The following PEAK1 variants were observed in gnomAD, a reference collection of about 807,000 sequenced individuals.
The protein encoded by PEAK1 is inactive tyrosine-protein kinase PEAK1.
In PEAK1, 54 loss-of-function variants were observed where a neutral mutation model predicts 124.7. That is an observed-to-expected ratio of 0.43 (90% CI 0.35 to 0.54). The LOEUF is 0.54. PEAK1 is among the 20% of genes least tolerant of loss of function. PEAK1 has a pLI of 0.01. For missense variants in PEAK1, 2,046 were observed against 2,134.5 expected (o/e 0.96, Z 0.82); for synonymous variants, 719 against 760.0 (o/e 0.95, Z 0.89).
At chr15:77,367,963 T>C (rs758555423) in intron 1 of PEAK1, among the ~76,000 whole-genome samples, 9 of 152,202 alleles carry the variant, frequency 5.9e-5, no homozygotes, top group Non-Finnish European at 1.2e-4. Context: ...TCAACTATCA[T>C]CTGTAAACCA....
At chr15:77,143,951 TG>T (rs2053986579) in intron 8 of PEAK1, among the ~76,000 whole-genome samples, 1 of 152,222 alleles carries the variant, frequency 6.6e-6, no homozygotes, top group Admixed American at 6.5e-5. Flanking sequence ...GTGTGGGCCC[TG>T]TAAGAAGCTT....
chr15:77,355,582 GAA>G (rs995197716), intron 2 of PEAK1, among the ~76,000 whole-genome samples: 1 of 152,136 alleles, frequency 6.6e-6, no homozygotes, highest in African/African-American at 2.4e-5. Context: ...AAGCAATACT[GAA>G]AAATCAACAA....
chr15:77,359,682 T>A (rs1180504924), intron 2 of PEAK1, among the ~76,000 whole-genome samples: 1 of 152,080 alleles, frequency 6.6e-6, no homozygotes, highest in African/African-American at 2.4e-5. Context: ...GAAAAAAAAT[T>A]TCACTTAGAA....
chr15:77,255,347 T>C, intron 5 of PEAK1: 24 of 976,992 alleles, frequency 2.5e-5, no homozygotes, highest in Non-Finnish European at 2.9e-5. Flanking sequence ...GGGTTCTGAC[T>C]CTCCATTTAT....
intron 1 of PEAK1, chr15:77,404,291 T>C (rs2071619615): frequency 1.0e-6 from 1 of 985,326 alleles, no homozygotes; most frequent in Non-Finnish European, 1.2e-6. Context: ...CAAAGTGATA[T>C]TTTATTGCAT....
chr15:77,137,248 C>G (rs1341718655), intron 8 of PEAK1, among the ~76,000 whole-genome samples: 4 of 152,162 alleles, frequency 2.6e-5, no homozygotes, highest in Non-Finnish European at 1.5e-5. Context: ...AATGTGGGGT[C>G]GGAGCCCCCA....
At chr15:77,418,298 G>C in intron 1 of PEAK1, 2 of 985,278 alleles carry the variant, frequency 2.0e-6, no homozygotes, top group Non-Finnish European at 2.4e-6. Flanking sequence ...GGTAGTGAGG[G>C]AAAAGAAGGA....
At chr15:77,334,253 A>G in intron 2 of PEAK1, 1 of 984,796 alleles carries the variant, frequency 1.0e-6, no homozygotes, top group African/African-American at 1.7e-5. Context: ...GCTTTCAGGT[A>G]ATTTTCCTAG....
At chr15:77,402,158 C>A (rs1222272294) in intron 1 of PEAK1, 2 of 798,022 alleles carry the variant, frequency 2.5e-6, no homozygotes, top group Non-Finnish European at 2.9e-6. Flanking sequence ...AAGAGGGACA[C>A]TCCACCTCGG....
chr15:77,316,268 T>G (rs544891488), intron 2 of PEAK1, among the ~76,000 whole-genome samples: 1 of 152,318 alleles, frequency 6.6e-6, no homozygotes, highest in South Asian at 2.1e-4. Context: ...ATAGAAAAAT[T>G]AGAAAATAGA....
chr15:77,263,347 T>C (rs1299162895), intron 5 of PEAK1, among the ~76,000 whole-genome samples: 1 of 152,180 alleles, frequency 6.6e-6, no homozygotes, highest in East Asian at 1.9e-4. Context: ...ACAAAATTGA[T>C]AGACCGCTAG....
intron 8 of PEAK1, 67 bp downstream of exon 8, chr15:77,158,436 A>G: frequency 7.1e-7 from 1 of 1,405,142 alleles, no homozygotes; most frequent in Non-Finnish European, 1.0e-6. Context: ...CTCCAAGAAA[A>G]CAGAACATTT....
At chr15:77,290,043 C>T (rs1354802450) in intron 2 of PEAK1, among the ~76,000 whole-genome samples, 3 of 152,132 alleles carry the variant, frequency 2.0e-5, no homozygotes, top group African/African-American at 7.2e-5. Context: ...ATTCAGCTCA[C>T]CGCAACCTCT....
intron 1 of PEAK1, chr15:77,401,738 T>C: frequency 2.0e-6 from 2 of 985,222 alleles, no homozygotes; most frequent in Non-Finnish European, 2.4e-6. Context: ...ACATTAAAGG[T>C]GCCAGTTTTA....
chr15:77,235,520 G>T (rs987338057), intron 6 of PEAK1, among the ~76,000 whole-genome samples: 2 of 152,152 alleles, frequency 1.3e-5, no homozygotes, highest in African/African-American at 4.8e-5. Context: ...GTATCTGGCA[G>T]AAGAAATTTC....
chr15:77,313,023 C>G lies in PEAK1; in HGVS notation c.-602-26519G>C, dbSNP rs910735761. 2.6e-5 allele frequency among the ~76,000 whole-genome samples: 4 copies of G among 152,078 alleles called. No individual in the cohort carries two copies. The East Asian group carries it at 7.7e-4, about 29-fold the overall frequency. ...GTAGGAATAGAATATTAAGCAAAAA[C>G]AAAATAATATCTAGATTTTGGTTTC... is the stretch of plus-strand genomic sequence containing the variant. On this transcript the variant is annotated intron_variant, in intron 2 of 9. Transcript: ENST00000682557.
chr15:77,174,625 A>G (rs1167655340), intron 7 of PEAK1, among the ~76,000 whole-genome samples: 1 of 152,242 alleles, frequency 6.6e-6, no homozygotes, highest in Non-Finnish European at 1.5e-5. Flanking sequence ...AGTCTGGGAC[A>G]TTATGAAATG....
chr15:77,199,385 G>A (rs773143807), intron 6 of PEAK1, among the ~76,000 whole-genome samples: 2 of 152,120 alleles, frequency 1.3e-5, no homozygotes, highest in Non-Finnish European at 2.9e-5. Context: ...CCTCTAGATC[G>A]GGGGCCATAG....
At chr15:77,356,185 A>G (rs1283502770) in intron 2 of PEAK1, among the ~76,000 whole-genome samples, 1 of 152,338 alleles carries the variant, frequency 6.6e-6, no homozygotes, top group East Asian at 1.9e-4. Context: ...TTTACAGCAG[A>G]GTAGCTACAT....
Sources: gnomAD v4.1 joint callset for allele counts (sites outside exome capture counted in the v4.1 genomes callset) on GRCh38, gnomAD v4.1.1 for gene constraint, MANE v1.5 for transcripts, NCBI Gene and HGNC (gene_info 2026-07-23, HGNC 2026-07-21) for gene names.